The following ZBTB20 variants were observed in gnomAD, a reference collection of about 807,000 sequenced individuals.
The protein encoded by ZBTB20 is zinc finger and BTB domain containing 20.
A neutral mutation model predicts 56.9 loss-of-function variants in ZBTB20; 9 were observed. The observed-to-expected ratio is 0.16, with a 90% CI of 0.10 to 0.28. ZBTB20 has a LOEUF of 0.28. ZBTB20 is among the 10% of genes least tolerant of loss of function. The pLI is 1.00. For missense variants in ZBTB20, 655 were observed against 1,003.0 expected (o/e 0.65, Z 4.69); for synonymous variants, 417 against 420.7 (o/e 0.99, Z 0.11).
intron 4 of ZBTB20, among the ~76,000 whole-genome samples, chr3:114,861,996 A>T (rs925399307): frequency 1.3e-5 from 2 of 152,204 alleles, no homozygotes; most frequent in Admixed American, 6.5e-5. Flanking sequence ...TAACAAAGGG[A>T]CATGATTCTT....
intron 1 of ZBTB20, among the ~76,000 whole-genome samples, chr3:115,137,224 C>T (rs1272590864): frequency 6.6e-6 from 1 of 151,980 alleles, no homozygotes; most frequent in East Asian, 1.9e-4. Flanking sequence ...TCTTTGACTG[C>T]ATTCAGATGA....
chr3:114,916,477 C>T (rs1391512687), intron 3 of ZBTB20, among the ~76,000 whole-genome samples: 1 of 151,948 alleles, frequency 6.6e-6, no homozygotes, highest in Non-Finnish European at 1.5e-5. Context: ...AATATTTTTA[C>T]TGTTACTGCA....
Position 114,970,756 on chromosome 3 carries a change from C to G in ZBTB20, c.-456+3610G>C, listed in dbSNP as rs2077842957. Among the ~76,000 whole-genome samples the G allele has an allele frequency of 2.0e-5, 3 of 152,178 alleles. No individual in the cohort carries two copies. In the South Asian group the frequency reaches 6.2e-4, roughly 32 times the overall value. Reference sequence around the variant, plus strand: ...TGCAGCCGGGGGCGGTGGCTCACGCCTGTAATCCCAGCACTTTGGGAGGCC... The same window carrying G: ...TGCAGCCGGGGGCGGTGGCTCACGCGTGTAATCCCAGCACTTTGGGAGGCC... On this transcript the variant is annotated intron_variant, in intron 3 of 11. Transcript: ENST00000675478.
At chr3:114,816,124 T>C (rs575131372) in intron 4 of ZBTB20, among the ~76,000 whole-genome samples, 2 of 152,330 alleles carry the variant, frequency 1.3e-5, no homozygotes, top group South Asian at 2.1e-4. Context: ...CTCCAATTTA[T>C]AAAATGCTTT....
intron 2 of ZBTB20, among the ~76,000 whole-genome samples, chr3:115,069,747 T>C (rs1389781873): frequency 1.3e-5 from 2 of 152,076 alleles, no homozygotes; most frequent in Admixed American, 6.6e-5. Context: ...CTACAACAGA[T>C]GATCTCAGAT....
At chr3:115,140,600 TAG>T (rs1424516839) in intron 1 of ZBTB20, among the ~76,000 whole-genome samples, 3 of 151,920 alleles carry the variant, frequency 2.0e-5, no homozygotes, top group African/African-American at 7.2e-5. Flanking sequence ...TGTAAATTGT[TAG>T]AGATTGTTCT....
chr3:114,815,843 G>C (rs2072876809), intron 4 of ZBTB20, among the ~76,000 whole-genome samples: 1 of 152,100 alleles, frequency 6.6e-6, no homozygotes, highest in African/African-American at 2.4e-5. Flanking sequence ...TGGCAAATTT[G>C]ATGCTTAAAA....
chr3:114,425,141 C>T (rs1471312774), intron 7 of ZBTB20, among the ~76,000 whole-genome samples: 1 of 134,630 alleles, frequency 7.4e-6, no homozygotes, highest in Non-Finnish European at 1.5e-5. Flanking sequence ...AATTCTTCAG[C>T]TGACCACCCT....
intron 6 of ZBTB20, among the ~76,000 whole-genome samples, chr3:114,567,631 T>A (rs995380661): frequency 6.6e-6 from 1 of 152,292 alleles, no homozygotes; most frequent in Admixed American, 6.5e-5. Flanking sequence ...GCCTTTCATT[T>A]ATTCCTTCAG....
At chr3:114,943,090 C>T (rs1287260784) in intron 3 of ZBTB20, among the ~76,000 whole-genome samples, 1 of 145,150 alleles carries the variant, frequency 6.9e-6, no homozygotes, top group Non-Finnish European at 1.5e-5. Flanking sequence ...CTTATACCAA[C>T]GAAGCAAAAA....
rs878921552 is a variant in ZBTB20 at position 114,695,691 on chromosome 3, A to T, written c.-342-2116T>A. On this transcript the variant is annotated intron_variant, in intron 5 of 11. Coordinates refer to ENST00000675478, the MANE Select transcript of ZBTB20 (RefSeq NM_001348800.3). ...AATAACTTCTTGTATACAGAACTAC[A>T]CATTTAAAAAGCTTTGTGCAGATTG... Among the ~76,000 whole-genome samples the T allele has an allele frequency of 7.8e-4, 118 of 152,138 alleles. 3 individuals are homozygous for T. The highest frequency in any genetic ancestry group is 6.3e-3 in the Admixed American group (96 of 15,230).
At chr3:115,028,686 A>C (rs939870087) in intron 2 of ZBTB20, among the ~76,000 whole-genome samples, 1 of 150,514 alleles carries the variant, frequency 6.6e-6, no homozygotes, top group African/African-American at 2.4e-5. Flanking sequence ...TTCCATTAGA[A>C]TATCTACTAA....
intron 6 of ZBTB20, among the ~76,000 whole-genome samples, chr3:114,513,533 G>T (rs1378330986): frequency 6.6e-6 from 1 of 152,204 alleles, no homozygotes; most frequent in Non-Finnish European, 1.5e-5. Flanking sequence ...AGTCCCCTGG[G>T]TCAGGTGGTT....
intron 5 of ZBTB20, among the ~76,000 whole-genome samples, chr3:114,800,164 T>C (rs2071609145): frequency 6.6e-6 from 1 of 151,976 alleles, no homozygotes; most frequent in Non-Finnish European, 1.5e-5. Flanking sequence ...TTCTGGATTT[T>C]ATTACCAAAA....
chr3:114,987,560 G>C (rs1164258601), intron 2 of ZBTB20, among the ~76,000 whole-genome samples: 6 of 152,126 alleles, frequency 3.9e-5, no homozygotes, highest in Non-Finnish European at 8.8e-5. Flanking sequence ...GGTTTCAATA[G>C]CTTTATTACC....
chr3:114,372,045 G>T (rs898217576), intron 10 of ZBTB20, among the ~76,000 whole-genome samples: 6 of 152,144 alleles, frequency 3.9e-5, no homozygotes, highest in Non-Finnish European at 8.8e-5. Flanking sequence ...AGTCCTTAAA[G>T]AATCCTCATG....
chr3:114,950,962 T>C (rs1409776176), intron 3 of ZBTB20, among the ~76,000 whole-genome samples: 2 of 152,170 alleles, frequency 1.3e-5, no homozygotes, highest in Non-Finnish European at 2.9e-5. Context: ...AATCACATGA[T>C]TCTATTTCTA....
intron 3 of ZBTB20, among the ~76,000 whole-genome samples, chr3:114,956,786 A>C (rs1309980921): frequency 6.6e-6 from 1 of 152,176 alleles, no homozygotes; most frequent in African/African-American, 2.4e-5. Flanking sequence ...GGAGAGGCCT[A>C]ATATACCAAA....
intron 5 of ZBTB20, among the ~76,000 whole-genome samples, chr3:114,694,927 T>A (rs1234154011): frequency 6.6e-6 from 1 of 151,972 alleles, no homozygotes; most frequent in Non-Finnish European, 1.5e-5. Flanking sequence ...GTCTGAAGAG[T>A]TCTGTATCAG....
Sources: allele counts gnomAD v4.1 joint callset (sites outside exome capture counted in the v4.1 genomes callset), GRCh38; gene constraint gnomAD v4.1.1; transcripts MANE v1.5; gene names NCBI Gene and HGNC (gene_info 2026-07-23, HGNC 2026-07-21).